The following TMEM117 variants were observed in gnomAD, a reference collection of about 807,000 sequenced individuals.
TMEM117 encodes transmembrane protein 117.
Under a neutral mutation model 52.4 loss-of-function variants are expected in TMEM117, and 27 were observed. That is an observed-to-expected ratio of 0.51 (90% CI 0.38 to 0.71). TMEM117 has a LOEUF of 0.71. TMEM117 is among the 30% of genes least tolerant of loss of function. The pLI is 0.00. For missense variants in TMEM117, 556 were observed against 630.5 expected (o/e 0.88, Z 1.26); for synonymous variants, 215 against 206.3 (o/e 1.04, Z -0.36).
chr12:43,953,255 T>G (rs1166849014), intron 3 of TMEM117, among the ~76,000 whole-genome samples: 1 of 151,990 alleles, frequency 6.6e-6, no homozygotes, highest in African/African-American at 2.4e-5. Flanking sequence ...GTCTGCAAAA[T>G]TAACCAGCCA....
chr12:44,279,674 C>T (rs766971754), intron 5 of TMEM117, among the ~76,000 whole-genome samples: 5 of 151,956 alleles, frequency 3.3e-5, no homozygotes, highest in East Asian at 3.9e-4. Context: ...CCACCACGCC[C>T]GCCTAATTTT....
intron 3 of TMEM117, among the ~76,000 whole-genome samples, chr12:43,976,515 C>G (rs1243501840): frequency 3.0e-4 from 45 of 152,146 alleles, no homozygotes; most frequent in Non-Finnish European, 1.0e-4. Context: ...AGAGAGCATC[C>G]TAAGCACGAA....
chr12:44,029,518 G>T (rs1480889533), intron 3 of TMEM117, among the ~76,000 whole-genome samples: 1 of 152,162 alleles, frequency 6.6e-6, no homozygotes, highest in Non-Finnish European at 1.5e-5. Context: ...ACAAGTGGCT[G>T]CCCGAACTTT....
intron 3 of TMEM117, among the ~76,000 whole-genome samples, chr12:44,126,913 A>G (rs1948334932): frequency 6.6e-6 from 1 of 152,242 alleles, no homozygotes; most frequent in African/African-American, 2.4e-5. Flanking sequence ...CCAGAAGAAA[A>G]AGAGAGCCAT....
At chr12:44,378,416 T>G (rs1248986352) in intron 7 of TMEM117, among the ~76,000 whole-genome samples, 1 of 152,184 alleles carries the variant, frequency 6.6e-6, no homozygotes, top group Non-Finnish European at 1.5e-5. Flanking sequence ...TTTAAGAAGA[T>G]GAATATAAAA....
intron 3 of TMEM117, among the ~76,000 whole-genome samples, chr12:44,118,172 G>T (rs1159847470): frequency 6.6e-6 from 1 of 151,986 alleles, no homozygotes; most frequent in Non-Finnish European, 1.5e-5. Context: ...AAACTTTCAT[G>T]GTTAAAAAGC....
intron 2 of TMEM117, among the ~76,000 whole-genome samples, chr12:43,880,596 C>T (rs1317730354): frequency 6.6e-6 from 1 of 152,146 alleles, no homozygotes; most frequent in Non-Finnish European, 1.5e-5. Flanking sequence ...ATTAATGGTG[C>T]CTTGGAACTG....
intron 3 of TMEM117, among the ~76,000 whole-genome samples, chr12:44,021,065 C>A (rs1309357623): frequency 6.6e-6 from 1 of 152,046 alleles, no homozygotes; most frequent in East Asian, 1.9e-4. Context: ...TCACAGATTA[C>A]CTGAAATTCA....
chr12:44,121,617 A>T (rs534606439), intron 3 of TMEM117, among the ~76,000 whole-genome samples: 3 of 152,288 alleles, frequency 2.0e-5, no homozygotes, highest in African/African-American at 7.2e-5. Flanking sequence ...TTAATTATTT[A>T]TGTTATCGGT....
intron 4 of TMEM117, among the ~76,000 whole-genome samples, chr12:44,199,847 G>A (rs989595456): frequency 1.3e-5 from 2 of 152,172 alleles, no homozygotes; most frequent in Non-Finnish European, 2.9e-5. Flanking sequence ...GCCGGGCTTG[G>A]TGGCTCACGC....
Position 44,020,651 on chromosome 12 carries a change from G to A in TMEM117, c.410+76309G>A, listed in dbSNP as rs117779232. Among the ~76,000 whole-genome samples, 11 of 152,200 alleles carry A rather than the reference G, an allele frequency of 7.2e-5. No homozygotes were observed. In the East Asian group the frequency reaches 2.1e-3, roughly 29 times the overall value. On this transcript the variant is annotated intron_variant, in intron 3 of 7. Coordinates refer to ENST00000266534, the MANE Select transcript of TMEM117 (RefSeq NM_032256.3). ...AATGCTGATTTAAACCTAGGGCTAG[G>A]GATTTTTTATGTAAATTTCAATGAT...
At chr12:43,896,026 G>A (rs1944195028) in intron 2 of TMEM117, among the ~76,000 whole-genome samples, 1 of 152,102 alleles carries the variant, frequency 6.6e-6, no homozygotes. Flanking sequence ...TTGAGGGTGG[G>A]TCTGCCTTTC....
At chr12:44,389,990 T>A (rs535916654), downstream of TMEM117, among the ~76,000 whole-genome samples, 3 of 152,228 alleles carry the variant, frequency 2.0e-5, no homozygotes, top group East Asian at 5.8e-4. Context: ...TTTTTCTTTA[T>A]GATTTTTTAA....
chr12:44,392,426 T>C (rs574311781), downstream of TMEM117, among the ~76,000 whole-genome samples: 28 of 152,266 alleles, frequency 1.8e-4, no homozygotes, highest in African/African-American at 5.8e-4. Context: ...TCTTATGTGT[T>C]GTGTAGAGGA....
At chr12:43,940,542 A>G (rs1945027681) in intron 2 of TMEM117, among the ~76,000 whole-genome samples, 1 of 151,710 alleles carries the variant, frequency 6.6e-6, no homozygotes, top group African/African-American at 2.4e-5. Flanking sequence ...CTCATTTTAT[A>G]TACACTTTTT....
intron 2 of TMEM117, among the ~76,000 whole-genome samples, chr12:43,931,666 ACTCT>A (rs1944873250): frequency 1.3e-5 from 2 of 152,124 alleles, no homozygotes; most frequent in Admixed American, 6.5e-5. Flanking sequence ...ATTTCTATCA[ACTCT>A]CACTCATGGT....
intron 2 of TMEM117, among the ~76,000 whole-genome samples, chr12:43,853,673 T>C (rs1194997984): frequency 6.6e-6 from 1 of 152,140 alleles, no homozygotes; most frequent in African/African-American, 2.4e-5. Context: ...TAAAATCTGG[T>C]TAAAAAGACA....
chr12:44,180,613 T>C (rs201730745), intron 4 of TMEM117, among the ~76,000 whole-genome samples: 1 of 151,198 alleles, frequency 6.6e-6, no homozygotes, highest in South Asian at 2.1e-4. Context: ...GTCTGGTTTT[T>C]TGTTCTTGTG....
chr12:44,371,491 G>A (rs1239014356), intron 6 of TMEM117, among the ~76,000 whole-genome samples: 1 of 152,094 alleles, frequency 6.6e-6, no homozygotes, highest in African/African-American at 2.4e-5. Context: ...TAAATCAGGT[G>A]GCTAATTTTT....
Sources: gnomAD v4.1 joint callset for allele counts (sites outside exome capture counted in the v4.1 genomes callset) on GRCh38, gnomAD v4.1.1 for gene constraint, MANE v1.5 for transcripts, NCBI Gene and HGNC (gene_info 2026-07-23, HGNC 2026-07-21) for gene names.